Variants in SHTN1 observed in about 807,000 individuals in gnomAD.
The protein encoded by SHTN1 is shootin 1, also known as shootin-1.
In SHTN1, 42 loss-of-function variants were observed where a neutral mutation model predicts 83.1. That is an observed-to-expected ratio of 0.51 (90% CI 0.39 to 0.65). SHTN1 has a LOEUF of 0.65. SHTN1 is among the 30% of genes least tolerant of loss of function. SHTN1 has a pLI of 0.00. For missense variants in SHTN1, 622 were observed against 737.8 expected, an observed-to-expected ratio of 0.84 and a Z score of 1.82; for synonymous variants, 224 against 247.7, an observed-to-expected ratio of 0.90 and a Z score of 0.90.
chr10:116,984,189 A>T (rs1035088948), intron 1 of SHTN1, among the ~76,000 whole-genome samples: 2 of 152,200 alleles, frequency 1.3e-5, no homozygotes, highest in African/African-American at 4.8e-5. Context: ...TTTCCAGACC[A>T]GTATTTCCAA....
intron 1 of SHTN1, among the ~76,000 whole-genome samples, chr10:117,099,317 G>C (rs1853555455): frequency 6.6e-6 from 1 of 151,388 alleles, no homozygotes; most frequent in African/African-American, 2.4e-5. Context: ...TAAAATCTTA[G>C]AATTCACCAC....
rs1427640696 is a variant in SHTN1 at position 116,954,105 on chromosome 10, T to C, written c.373A>G (p.Thr125Ala). ...EEINIDDEDSTTDTDGAAETC... is the reference protein window; with the variant it reads ...EEINIDDEDSATDTDGAAETC... ...TCGGCGGCACCGTCTGTGTCTGTAG[T>C]CGAATCTTCATCATCAATGTTTATC... is the stretch of plus-strand genomic sequence containing the variant. Residue 125 changes from threonine to alanine, a missense_variant, in exon 5 of 17, where the codon ACT (threonine) becomes GCT (alanine). Thr to Ala is a moderately conservative substitution (Grantham distance 58). Transcript: ENST00000355371. The C allele has an allele frequency of 6.2e-7, 1 of 1,614,120 alleles. No homozygotes were observed. The highest frequency in any genetic ancestry group is 1.7e-5 in the Admixed American group (1 of 60,020).
rs777977834 is a variant in SHTN1 at position 116,915,484 on chromosome 10, G to C, written c.1196C>G (p.Thr399Ser). ...CCTCTTTAGATCTGTGACTTCTTCA[G>C]CTGTTCAAAGAACACAGACATAAAT... ...KKEKATQPET[T>S]EEVTDLKRQA... Residue 399 changes from threonine (T) to serine (S), a missense_variant and splice_region_variant, in exon 13 of 17, where the codon ACT becomes AGT. Transcript: ENST00000355371. 1 of 1,545,482 alleles carries C rather than the reference G, an allele frequency of 6.5e-7. No homozygotes were observed. Among genetic ancestry groups the C allele is most frequent in the Non-Finnish European group, 8.9e-7 (1 of 1,118,416 alleles).
chr10:116,919,114 T>C (rs921265124), intron 12 of SHTN1, among the ~76,000 whole-genome samples: 3 of 152,208 alleles, frequency 2.0e-5, no homozygotes, highest in African/African-American at 7.2e-5. Context: ...ACACAGTGAA[T>C]GTGAGACCAG....
intron 16 of SHTN1, 75 bp downstream of exon 16, chr10:116,901,690 C>T: frequency 7.1e-7 from 1 of 1,403,838 alleles, no homozygotes; most frequent in Non-Finnish European, 9.3e-7. Context: ...CTAAAGGAAA[C>T]AAATCAAAGA....
At chr10:117,107,208 A>G (rs1853681507) in intron 1 of SHTN1, among the ~76,000 whole-genome samples, 1 of 152,194 alleles carries the variant, frequency 6.6e-6, no homozygotes, top group Admixed American at 6.5e-5. Flanking sequence ...CAATCCTAAA[A>G]TGTAGAATAT....
intron 1 of SHTN1, among the ~76,000 whole-genome samples, chr10:117,068,766 T>C (rs927672865): frequency 1.3e-5 from 2 of 152,188 alleles, no homozygotes; most frequent in South Asian, 2.1e-4. Context: ...TATTGAAATA[T>C]TTACAAATAT....
rs140164266 is a variant in SHTN1 at position 116,916,450 on chromosome 10, C to T, written c.1196-966G>A. 2.2e-3 allele frequency among the ~76,000 whole-genome samples: 331 copies of T among 152,314 alleles called. 1 individual carries two copies. The highest frequency in any genetic ancestry group is 7.5e-3 in the African/African-American group (311 of 41,572). ...ATTACCATCTTTAATAGACTCTACA[C>T]TGCCTGGCAATATGGTGGGCACTCA... On this transcript the variant is annotated intron_variant, in intron 12 of 16. Transcript: ENST00000355371.
At chr10:116,934,572 CTCG>C (rs1435000205) in intron 9 of SHTN1, among the ~76,000 whole-genome samples, 1 of 152,088 alleles carries the variant, frequency 6.6e-6, no homozygotes, top group African/African-American at 2.4e-5. Flanking sequence ...TTACTGTAGC[CTCG>C]TAGCATAGTT....
At chr10:116,976,014 G>C (rs1164929550) in intron 2 of SHTN1, among the ~76,000 whole-genome samples, 1 of 152,182 alleles carries the variant, frequency 6.6e-6, no homozygotes, top group Non-Finnish European at 1.5e-5. Context: ...TGCAGAAGAA[G>C]AGTCAATAAG....
chr10:117,057,027 G>GT (rs1282657825), intron 1 of SHTN1, among the ~76,000 whole-genome samples: 2 of 152,050 alleles, frequency 1.3e-5, no homozygotes, highest in African/African-American at 2.4e-5. Flanking sequence ...CCGCAATGAG[G>GT]TAAGAAAAAT....
At chr10:116,918,853 G>A (rs921263429) in intron 12 of SHTN1, among the ~76,000 whole-genome samples, 1 of 152,196 alleles carries the variant, frequency 6.6e-6, no homozygotes, top group Non-Finnish European at 1.5e-5. Flanking sequence ...ATGATAAACA[G>A]TAGGCATACT....
At chr10:117,028,745 A>C (rs1179693332) in intron 2 of SHTN1, among the ~76,000 whole-genome samples, 2 of 152,226 alleles carry the variant, frequency 1.3e-5, no homozygotes, top group Non-Finnish European at 2.9e-5. Context: ...CACAGAATGC[A>C]AAAGTTGAGG....
At position 116,998,794 on chromosome 10, in the gene SHTN1, G is replaced by C. The variant is rs547709343; in HGVS notation, c.58+6228C>G. Among the ~76,000 whole-genome samples the C allele has an allele frequency of 7.4e-4, 112 of 152,214 alleles. 2 individuals carry two copies. The South Asian group carries it at 0.022, about 30-fold the overall frequency. ...GCCATTTCTCCTAGGAACCCTGTTC[G>C]TTTTATTCGAGAATGGCATTAGAAG... On this transcript the variant is annotated intron_variant, in intron 1 of 16. Transcript: ENST00000355371.
chr10:116,940,589 T>C lies in SHTN1; in HGVS notation c.735A>G (p.Leu245=), dbSNP rs774921663. The C allele has an allele frequency of 6.2e-7, 1 of 1,609,638 alleles. No homozygotes were observed. The highest frequency in any genetic ancestry group is 8.5e-7 in the Non-Finnish European group (1 of 1,177,452). Residue 245 remains leucine, a synonymous_variant, in exon 9 of 17, where the codon CTA becomes CTG. Coordinates refer to ENST00000355371, the MANE Select transcript of SHTN1 (RefSeq NM_001127211.3). ...GCAGCAGAAGGTGGCTTTGTCTCTT[T>C]AGCTTGTTTTGCTCAATGAACATCT... is the stretch of plus-strand genomic sequence containing the variant. The part of the protein sequence containing the change: ...AQEMFIEQNK[L]KRQSHLLLQS...
At chr10:117,069,349 G>T (rs888242589) in intron 1 of SHTN1, among the ~76,000 whole-genome samples, 3 of 152,164 alleles carry the variant, frequency 2.0e-5, no homozygotes, top group Non-Finnish European at 4.4e-5. Context: ...AGTGGGAAGT[G>T]AGGAAGAGGT....
chr10:117,054,245 T>G (rs1301431602), intron 1 of SHTN1, among the ~76,000 whole-genome samples: 1 of 152,046 alleles, frequency 6.6e-6, no homozygotes, highest in African/African-American at 2.4e-5. Flanking sequence ...AATGTTAAAA[T>G]AGAGATCATA....
intron 1 of SHTN1, among the ~76,000 whole-genome samples, chr10:117,071,519 T>C (rs1422146893): frequency 2.0e-5 from 3 of 152,178 alleles, no homozygotes; most frequent in African/African-American, 7.2e-5. Flanking sequence ...CAAGATCACA[T>C]AGCTAATGAG....
intron 1 of SHTN1, among the ~76,000 whole-genome samples, chr10:117,123,102 A>G (rs974564194): frequency 2.4e-4 from 36 of 152,228 alleles, no homozygotes; most frequent in Non-Finnish European, 5.0e-4. Context: ...TCCCGGGTGC[A>G]AGCAATTATC....
Sources: allele counts gnomAD v4.1 joint callset (sites outside exome capture counted in the v4.1 genomes callset), GRCh38; gene constraint gnomAD v4.1.1; transcripts MANE v1.5; gene names NCBI Gene and HGNC (gene_info 2026-07-23, HGNC 2026-07-21).